ZAP70: variants seen among roughly 807,000 people sequenced by gnomAD.
The protein encoded by ZAP70 is zeta chain of T cell receptor associated protein kinase 70, also known as tyrosine-protein kinase ZAP-70.
In ZAP70, 27 loss-of-function variants were observed where a neutral mutation model predicts 65.8. The ratio of observed to expected loss-of-function variants is 0.41; its 90% CI spans 0.30 to 0.57. The LOEUF (loss-of-function observed/expected upper bound fraction) is 0.57. Among genes scored for constraint, ZAP70 ranks in the 20% least tolerant of loss-of-function variants. The pLI, the probability that ZAP70 is intolerant of heterozygous loss-of-function variation, is 0.28. For synonymous variants in ZAP70, 363 were observed against 360.8 expected (o/e 1.01, Z -0.07); for missense variants, 696 against 870.5 (o/e 0.80, Z 2.52).
At chr2:97,754,704 A>G in the ZAP70 span, among the ~76,000 whole-genome samples, 2 of 152,116 alleles carry the variant, frequency 1.3e-5, no homozygotes, top group African/African-American at 4.8e-5. Context: ...CGCCTGGCCC[A>G]GTTTTTCTTT....
chr2:97,735,531 C>T (rs547098321), intron 10 of ZAP70, 75 bp downstream of exon 10: 19 of 1,509,398 alleles, frequency 1.3e-5, no homozygotes, highest in Admixed American at 9.2e-5. Flanking sequence ...CATGCACCCG[C>T]GTGCATGCGT....
chr2:97,735,486 T>C, intron 10 of ZAP70, 30 bp downstream of exon 10: 1 of 1,553,944 alleles, frequency 6.4e-7, no homozygotes. Context: ...GGCCATCGGG[T>C]GGGTGGGGCC....
rs1165895851 is a variant in ZAP70 at position 97,737,183 on chromosome 2, G to GAT, written c.1290-289_1290-288dup. Among the ~76,000 whole-genome samples, 3 of 152,124 alleles carry GAT rather than the reference G, an allele frequency of 2.0e-5. No homozygotes were observed. The highest frequency in any genetic ancestry group is 4.4e-5 in the Non-Finnish European group (3 of 68,022). ...GACAATCAGGCCACATTATCTTTGA[G>GAT]ATGCCTGTGAGACCTCAGCACGTCG... is the stretch of plus-strand genomic sequence containing the variant. On this transcript the variant is annotated intron_variant, in intron 10 of 13. Coordinates refer to ENST00000264972, the MANE Select transcript of ZAP70 (RefSeq NM_001079.4). This position sits in a 1 kb window ranked among gnomAD's most constrained non-coding sequence, Gnocchi z 5.0.
In ZAP70 at chr2:97,735,231, C is replaced by G. The variant is rs755874106; in HGVS notation, c.1083-19C>G. The G allele has an allele frequency of 8.7e-5, 140 of 1,613,390 alleles. No homozygotes were observed. The highest frequency in any genetic ancestry group is 1.1e-4 in the Non-Finnish European group (133 of 1,179,844). ...CCGGTGCCCCTCGCCCACGTGCCTCCCGTGGCCGGGTCGGGCAGGAAGCAG... is the reference window on the plus strand; with the variant it reads ...CCGGTGCCCCTCGCCCACGTGCCTCGCGTGGCCGGGTCGGGCAGGAAGCAG... On this transcript the variant is annotated intron_variant, in intron 9 of 13. Coordinates refer to ENST00000264972, the MANE Select transcript of ZAP70 (RefSeq NM_001079.4).
At chr2:97,725,937 G>A (rs1209588839) in intron 4 of ZAP70, among the ~76,000 whole-genome samples, 5 of 152,154 alleles carry the variant, frequency 3.3e-5, no homozygotes, top group African/African-American at 1.2e-4. Context: ...CTGAGTAAGT[G>A]AGGGGGAGAA....
chr2:97,720,030 C>T (rs1018390025), intron 2 of ZAP70, among the ~76,000 whole-genome samples: 2 of 152,158 alleles, frequency 1.3e-5, no homozygotes, highest in African/African-American at 2.4e-5. Flanking sequence ...TTCCACTTAC[C>T]GCGGAGTAGA....
intron 2 of ZAP70, among the ~76,000 whole-genome samples, chr2:97,714,583 G>A (rs1022279114): frequency 2.0e-5 from 3 of 152,352 alleles, no homozygotes; most frequent in South Asian, 2.1e-4. Context: ...CCTGGCAGGC[G>A]CCTGGTTCCT....
chr2:97,725,275 G>A, intron 4 of ZAP70, 23 bp downstream of exon 4: 1 of 1,610,210 alleles, frequency 6.2e-7, no homozygotes. Context: ...CGGGATTTGG[G>A]TGCGGTGAGG....
At chr2:97,728,910 G>A (rs1199442655) in intron 4 of ZAP70, among the ~76,000 whole-genome samples, 1 of 152,184 alleles carries the variant, frequency 6.6e-6, no homozygotes, top group Admixed American at 6.5e-5. Flanking sequence ...GCACCACCAC[G>A]CTTGGCTAAT....
chr2:97,727,455 C>T (rs1251582388), intron 4 of ZAP70, among the ~76,000 whole-genome samples: 1 of 152,208 alleles, frequency 6.6e-6, no homozygotes, highest in African/African-American at 2.4e-5. Flanking sequence ...TACCCACCTT[C>T]CTCCAGATGT....
the ZAP70 span, among the ~76,000 whole-genome samples, chr2:97,745,582 T>C: frequency 2.0e-5 from 3 of 152,246 alleles, no homozygotes; most frequent in Non-Finnish European, 4.4e-5. Flanking sequence ...TCATTAATCA[T>C]AAGAGAAATG....
chr2:97,733,723 AACACCTGTGC>A, intron 8 of ZAP70, 128 bp downstream of exon 8: 1 of 1,151,266 alleles, frequency 8.7e-7, no homozygotes, highest in Non-Finnish European at 1.3e-6. Flanking sequence ...TGGCTTGGTT[AACACCTGTGC>A]ACACATGTGC....
At chr2:97,734,188 C>T (rs551521668) in intron 8 of ZAP70, 7 of 414,458 alleles carry the variant, frequency 1.7e-5, no homozygotes, top group Non-Finnish European at 2.9e-5. Context: ...GTGCTGCATA[C>T]GCAGACAGGG....
At chr2:97,753,211 A>G in the ZAP70 span, among the ~76,000 whole-genome samples, 4 of 152,212 alleles carry the variant, frequency 2.6e-5, no homozygotes, top group African/African-American at 9.6e-5. Flanking sequence ...AAAATGTTAT[A>G]AAAAACTCAT....
chr2:97,724,219 C>G lies in ZAP70; in HGVS notation c.183C>G (p.Ile61Met). 1.2e-6 allele frequency: 2 copies of G among 1,600,768 alleles called. No individual in the cohort carries two copies. The highest frequency in any genetic ancestry group is 1.1e-5 in the South Asian group (1 of 89,302). ...VHDVRFHHFP[I>M]ERQLNGTYAI... ...ATGTGCGCTTCCACCACTTTCCCAT[C>G]GAGCGCCAGCTCAACGGCACCTACG... The change falls in exon 3 of 14, where the codon ATC (isoleucine) becomes ATG (methionine). Residue 61 changes from isoleucine to methionine, a missense_variant. Transcript: ENST00000264972.
At chr2:97,743,988 G>A (rs549684946), downstream of ZAP70, among the ~76,000 whole-genome samples, 1 of 152,170 alleles carries the variant, frequency 6.6e-6, no homozygotes, top group Non-Finnish European at 1.5e-5. Context: ...GTATTTTCCT[G>A]TCATTGCTAA....
In ZAP70 at chr2:97,735,245, G is replaced by T. The variant is rs778795858; in HGVS notation, c.1083-5G>T. ...CCACGTGCCTCCCGTGGCCGGGTCG[G>T]GCAGGAAGCAGATCGACGTGGCCAT... is the stretch of plus-strand genomic sequence containing the variant. On this transcript the variant is annotated splice_region_variant and splice_polypyrimidine_tract_variant and intron_variant, in intron 9 of 13. Transcript: ENST00000264972. 1 of 1,613,804 alleles carries T rather than the reference G, an allele frequency of 6.2e-7. No individual in the cohort carries two copies. The highest frequency in any genetic ancestry group is 1.1e-5 in the South Asian group (1 of 91,088).
the ZAP70 span, among the ~76,000 whole-genome samples, chr2:97,752,673 T>C: frequency 6.6e-6 from 1 of 152,258 alleles, no homozygotes; most frequent in Non-Finnish European, 1.5e-5. Flanking sequence ...CTAAAATGTC[T>C]TTGTTATCCA....
At chr2:97,722,430 C>A (rs1677199075) in intron 2 of ZAP70, among the ~76,000 whole-genome samples, 1 of 152,236 alleles carries the variant, frequency 6.6e-6, no homozygotes, top group African/African-American at 2.4e-5. Context: ...CAGTGGTTGA[C>A]ATGGCCCCCA....
Sources: allele counts gnomAD v4.1 joint callset (sites outside exome capture counted in the v4.1 genomes callset), GRCh38; gene constraint gnomAD v4.1.1; non-coding constraint Gnocchi (gnomAD v3.1); transcripts MANE v1.5; gene names NCBI Gene and HGNC (gene_info 2026-07-23, HGNC 2026-07-21).